Variants in FKBP11 observed in about 807,000 individuals in gnomAD.
FKBP11 encodes FKBP prolyl isomerase 11, also known as peptidyl-prolyl cis-trans isomerase FKBP11.
Under a neutral mutation model 24.7 loss-of-function variants are expected in FKBP11, and 21 were observed. The ratio of observed to expected loss-of-function variants is 0.85; its 90% CI spans 0.60 to 1.23. The LOEUF is 1.23. Ranked by LOEUF, FKBP11 falls within the 50% of genes most tolerant of loss-of-function variation. The probability of loss-of-function intolerance (pLI) is 0.00; values close to 1 mark genes in which losing one functional copy is unlikely to be tolerated. For missense variants in FKBP11, 245 were observed against 248.7 expected (o/e 0.99, Z 0.10); for synonymous variants, 106 against 100.6 (o/e 1.05, Z -0.32).
chr12:48,925,763 A>C, upstream of FKBP11: 1 of 310,820 alleles, frequency 3.2e-6, no homozygotes, highest in Non-Finnish European at 6.1e-6. Flanking sequence ...CCTCAAAACC[A>C]CCCTGAAAGG....
chr12:48,929,794 G>A (rs944798401), upstream of FKBP11, among the ~76,000 whole-genome samples: 1 of 152,194 alleles, frequency 6.6e-6, no homozygotes. Flanking sequence ...CTCATGGACT[G>A]TGGTCTGGCA....
chr12:48,923,327 C>T (rs752122213), intron 5 of FKBP11: 34 of 1,423,458 alleles, frequency 2.4e-5, no homozygotes, highest in Non-Finnish European at 3.1e-5. Flanking sequence ...ATGGGGCAGA[C>T]TTGGCTTTAA....
At chr12:48,924,919 C>T (rs1327587370) in intron 2 of FKBP11, 127 bp downstream of exon 2, 1 of 1,438,970 alleles carries the variant, frequency 6.9e-7, no homozygotes, top group African/African-American at 1.4e-5. Context: ...TCGCCACGTG[C>T]TCGACGACCC....
upstream of FKBP11, among the ~76,000 whole-genome samples, chr12:48,927,993 A>G (rs1940001403): frequency 6.7e-6 from 1 of 149,908 alleles, no homozygotes; most frequent in Admixed American, 6.6e-5. Flanking sequence ...TCAATCTGTA[A>G]CTGGCCGTGA....
At chr12:48,924,507 C>T (rs1939908126) in intron 3 of FKBP11, 54 bp downstream of exon 3, 1 of 1,534,234 alleles carries the variant, frequency 6.5e-7, no homozygotes, top group Admixed American at 1.7e-5. Context: ...GCCGAAGAGG[C>T]TAAGAAAGGG....
intron 5 of FKBP11, 76 bp downstream of exon 5, chr12:48,923,702 TCAAA>T (rs1038593971): frequency 5.7e-5 from 91 of 1,587,636 alleles, no homozygotes; most frequent in Non-Finnish European, 6.6e-5. Context: ...TTCTCAAGCA[TCAAA>T]CAAAGTATAT....
chr12:48,927,949 TCAAG>T (rs1169736330), upstream of FKBP11, among the ~76,000 whole-genome samples: 5 of 150,838 alleles, frequency 3.3e-5, no homozygotes, highest in Non-Finnish European at 5.9e-5. Flanking sequence ...AAAAGACTAG[TCAAG>T]TGCAGTAGTG....
At chr12:48,934,968 G>A in the FKBP11 span, among the ~76,000 whole-genome samples, 1 of 135,504 alleles carries the variant, frequency 7.4e-6, no homozygotes, top group Non-Finnish European at 1.5e-5. Flanking sequence ...GTGGTGAGCC[G>A]ATATCGTGCC....
intron 4 of FKBP11, 34 bp downstream of exon 4, chr12:48,924,189 G>A (rs974230705): frequency 6.2e-7 from 1 of 1,613,572 alleles, no homozygotes. Context: ...CATGCAAAGG[G>A]GGTACCCAGG....
chr12:48,933,451 C>G, the FKBP11 span, among the ~76,000 whole-genome samples: 1 of 152,144 alleles, frequency 6.6e-6, no homozygotes, highest in South Asian at 2.1e-4. Context: ...CCTGTAATCC[C>G]AGTGCTTTGG....
At chr12:48,934,869 G>A in the FKBP11 span, among the ~76,000 whole-genome samples, 17 of 151,790 alleles carry the variant, frequency 1.1e-4, no homozygotes, top group African/African-American at 2.9e-4. Flanking sequence ...AAAATTAGCC[G>A]GGTGTGGTGG....
upstream of FKBP11, chr12:48,925,819 G>A (rs950513497): frequency 2.0e-4 from 41 of 207,228 alleles, no homozygotes; most frequent in Middle Eastern, 4.2e-3. Flanking sequence ...AGGGTGCTCA[G>A]GATGTGCCCA....
chr12:48,928,541 G>C (rs1408311795), upstream of FKBP11, among the ~76,000 whole-genome samples: 3 of 152,040 alleles, frequency 2.0e-5, no homozygotes, highest in Admixed American at 6.6e-5. Flanking sequence ...GTGTAATGCT[G>C]TGATCTTGGC....
chr12:48,924,051 G>T, intron 4 of FKBP11, 172 bp downstream of exon 4: 1 of 888,040 alleles, frequency 1.1e-6, no homozygotes, highest in Non-Finnish European at 1.9e-6. Context: ...AAGCAACAGC[G>T]CAAGAGGCAC....
At chr12:48,925,525 G>T, upstream of FKBP11, 2 of 1,391,578 alleles carry the variant, frequency 1.4e-6, no homozygotes, top group Non-Finnish European at 1.9e-6. Flanking sequence ...CAGACTGGAC[G>T]GGACGGGGCG....
intron 3 of FKBP11, 53 bp downstream of exon 3, chr12:48,924,508 T>C (rs1939908180): frequency 6.5e-7 from 1 of 1,538,770 alleles, no homozygotes; most frequent in African/African-American, 1.4e-5. Flanking sequence ...CCGAAGAGGC[T>C]AAGAAAGGGC....
intron 5 of FKBP11, chr12:48,922,491 G>A (rs1375182057): frequency 8.2e-6 from 8 of 972,212 alleles, no homozygotes; most frequent in African/African-American, 1.7e-5. Context: ...TTCTCCATTT[G>A]TAAGTGGGAG....
At chr12:48,925,008 C>T (rs750229392) in intron 2 of FKBP11, 38 bp downstream of exon 2, 2 of 1,579,254 alleles carry the variant, frequency 1.3e-6, no homozygotes, top group Non-Finnish European at 1.7e-6. Context: ...GGGCGCCGCC[C>T]CCTCCCAGGC....
chr12:48,936,506 G>C, the FKBP11 span: 2 of 152,670 alleles, frequency 1.3e-5, no homozygotes, highest in South Asian at 4.1e-4. Flanking sequence ...AAGTGAATGG[G>C]AATGTAGAAA....
Sources: allele counts gnomAD v4.1 joint callset (sites outside exome capture counted in the v4.1 genomes callset), GRCh38; gene constraint gnomAD v4.1.1; transcripts MANE v1.5; gene names NCBI Gene and HGNC (gene_info 2026-07-23, HGNC 2026-07-21).